PIM3: variants seen among roughly 807,000 people sequenced by gnomAD.
The protein encoded by PIM3 is Pim-3 proto-oncogene, serine/threonine kinase, also known as serine/threonine-protein kinase pim-3.
PIM3 carries 13 observed loss-of-function variants against 27.5 expected under a neutral mutation model. The observed-to-expected ratio is 0.47, with a 90% CI of 0.31 to 0.75. The LOEUF is 0.75. PIM3 is among the 30% of genes least tolerant of loss of function. The pLI is 0.05. For synonymous variants in PIM3, 341 were observed against 221.1 expected (o/e 1.54, Z -4.81); for missense variants, 482 against 476.9 (o/e 1.01, Z -0.10).
chr22:49,960,894 C>G lies in PIM3; in HGVS notation c.-54C>G, dbSNP rs1006249721. 8.6e-7 allele frequency: 1 copy of G among 1,163,940 alleles called. No homozygotes were observed. The highest frequency in any genetic ancestry group is 1.1e-6 in the Non-Finnish European group (1 of 945,132). The allele number at this position is 1,163,940 out of a possible 1,614,324, so 72.1% of individuals were successfully genotyped here. A position where few individuals can be genotyped will look rare whatever the true frequency, so the allele number is the denominator to read the frequency against. ...TCCCCGGCGCGCCGCTCGCCCGGAT[C>G]GGCCGCGGCTTCGGCGCCTGGGGCT... is the stretch of plus-strand genomic sequence containing the variant. On this transcript the variant is annotated 5_prime_UTR_variant, in exon 1 of 6. It adds an upstream start codon to the 5' untranslated region. Coordinates refer to ENST00000360612, the MANE Select transcript of PIM3 (RefSeq NM_001001852.4).
intron 4 of PIM3, among the ~76,000 whole-genome samples, chr22:49,962,459 C>G (rs1049348395): frequency 1.4e-4 from 21 of 151,466 alleles, no homozygotes; most frequent in African/African-American, 3.6e-4. Context: ...AAGCCGAGCT[C>G]TTACTCATGT....
rs1237184232 is a variant in PIM3, at chr22:49,960,978, C to T, written c.31C>T (p.His11Tyr). 1.4e-6 allele frequency: 2 copies of T among 1,392,854 alleles called. No individual in the cohort carries two copies. Among genetic ancestry groups the T allele is most frequent in the Admixed American group, 2.4e-5 (1 of 41,166 alleles). The allele number at this position is 1,392,854 out of a possible 1,614,324, so 86.3% of individuals were successfully genotyped here. MLLSKFGSLA[H>Y]LCGPGGVDHL... is the part of the protein sequence containing the mutation. ...GCTCTCCAAGTTCGGCTCCCTGGCG[C>T]ACCTCTGCGGGCCCGGCGGCGTGGA... Residue 11 changes from histidine to tyrosine, a missense_variant, in exon 1 of 6, where the codon CAC becomes TAC. Physicochemically the swap from His to Tyr is moderately conservative, Grantham distance 83. Transcript: ENST00000360612.
In PIM3 at chr22:49,960,973, T is replaced by C. The variant is rs1287803093; in HGVS notation, c.26T>C (p.Leu9Pro). The C allele has an allele frequency of 1.4e-6, 2 of 1,390,196 alleles. No homozygotes were observed. Among genetic ancestry groups the C allele is most frequent in the South Asian group, 1.4e-5 (1 of 69,664 alleles). 86.1% of individuals were successfully genotyped at this position (1,390,196 alleles called of 1,614,324 possible). MLLSKFGS[L>P]AHLCGPGGVD... ...ATGCTGCTCTCCAAGTTCGGCTCCC[T>C]GGCGCACCTCTGCGGGCCCGGCGGC... Residue 9 changes from leucine to proline, a missense_variant, in exon 1 of 6, where the codon CTG (leucine) becomes CCG (proline). Leu to Pro is a moderately conservative substitution (Grantham distance 98). Transcript: ENST00000360612.
At chr22:49,962,654 C>T (rs28691713) in intron 4 of PIM3, 35 bp from the exon 5 acceptor site, 749,528 of 1,587,292 alleles carry the variant, frequency 0.47, 181,198 homozygotes, top group African/African-American at 0.56. Flanking sequence ...GGCTCTGCCT[C>T]TGTGGTGGGC....
rs2060902218 is a variant in PIM3, at chr22:49,960,896, G to C, written c.-52G>C. On this transcript the variant is annotated 5_prime_UTR_variant, in exon 1 of 6. Coordinates refer to ENST00000360612, the MANE Select transcript of PIM3 (RefSeq NM_001001852.4). ...CCCGGCGCGCCGCTCGCCCGGATCG[G>C]CCGCGGCTTCGGCGCCTGGGGCTCG... The C allele has an allele frequency of 1.7e-6, 2 of 1,176,462 alleles. No homozygotes were observed. Among genetic ancestry groups the C allele is most frequent in the Admixed American group, 9.3e-5 (2 of 21,546 alleles). The allele number at this position is 1,176,462 out of a possible 1,614,324, so 72.9% of individuals were successfully genotyped here.
Position 49,960,774 on chromosome 22 carries a change from G to A in PIM3, c.-174G>A, listed in dbSNP as rs927994219. On this transcript the variant is annotated 5_prime_UTR_variant, in exon 1 of 6. The change creates a new upstream start codon in the 5' untranslated region. Transcript: ENST00000360612. ...CCCCCGGGCGAGGCGGCCGGGGCGG[G>A]TGAGGCGCTCCGCCTGCTGCGCGTC... The A allele has an allele frequency of 4.4e-6, 1 of 226,516 alleles. No individual in the cohort carries two copies. Among genetic ancestry groups the A allele is most frequent in the South Asian group, 1.6e-4 (1 of 6,086 alleles). 14.0% of individuals were successfully genotyped at this position (226,516 alleles called of 1,614,324 possible). A position where few individuals can be genotyped will look rare whatever the true frequency, so the allele number is the denominator to read the frequency against.
chr22:49,960,942 C>A lies in PIM3; in HGVS notation c.-6C>A. 7.5e-7 allele frequency: 1 copy of A among 1,325,626 alleles called. No individual in the cohort carries two copies. Among genetic ancestry groups the A allele is most frequent in the Non-Finnish European group, 9.7e-7 (1 of 1,028,814 alleles). 82.1% of individuals were successfully genotyped at this position (1,325,626 alleles called of 1,614,324 possible). ...GCTCGGGGCTCCGGGGAGGCCGTCGCCCGCGATGCTGCTCTCCAAGTTCGG... is the reference window on the plus strand; with the variant it reads ...GCTCGGGGCTCCGGGGAGGCCGTCGACCGCGATGCTGCTCTCCAAGTTCGG... On this transcript the variant is annotated 5_prime_UTR_variant, in exon 1 of 6. Coordinates refer to ENST00000360612, the MANE Select transcript of PIM3 (RefSeq NM_001001852.4).
At position 49,963,361 on chromosome 22, in the gene PIM3, A is replaced by T. The variant is rs1313809971; in HGVS notation, c.*234A>T. ...TCGAGGTCCCGCCTGCCCTGGGTGG[A>T]TACTTGAACCCCAGACGCCCCTCTG... is the stretch of plus-strand genomic sequence containing the variant. On this transcript the variant is annotated 3_prime_UTR_variant, in exon 6 of 6. Transcript: ENST00000360612. 2.0e-6 allele frequency: 1 copy of T among 503,896 alleles called. No homozygotes were observed. The allele number at this position is 503,896 out of a possible 1,614,324, so 31.2% of individuals were successfully genotyped here. A position where few individuals can be genotyped will look rare whatever the true frequency, so the allele number is the denominator to read the frequency against.
rs968911022 is a variant in PIM3 at position 49,961,519 on chromosome 22, C to A, written c.324C>A (p.Arg108=). The change falls in exon 4 of 6, where the codon CGC becomes CGA. Residue 108 remains arginine, a synonymous_variant. Coordinates refer to ENST00000360612, the MANE Select transcript of PIM3 (RefSeq NM_001001852.4). ...GAAGGARGVI[R]LLDWFERPDG... The stretch of plus-strand genomic sequence containing the variant: ...CGGGCGGCGCGCGCGGCGTCATCCG[C>A]CTGCTGGACTGGTTCGAGCGGCCCG... 3.9e-5 allele frequency: 59 copies of A among 1,524,704 alleles called. No individual in the cohort carries two copies. The highest frequency in any genetic ancestry group is 6.1e-6 in the Non-Finnish European group (7 of 1,138,356). The allele number at this position is 1,524,704 out of a possible 1,614,324, so 94.4% of individuals were successfully genotyped here. A position where few individuals can be genotyped will look rare whatever the true frequency, so the allele number is the denominator to read the frequency against.
In PIM3 at chr22:49,962,853, A is replaced by T. The variant is rs1324906642; in HGVS notation, c.781A>T (p.Arg261Trp). 1.9e-6 allele frequency: 3 copies of T among 1,608,532 alleles called. No individual in the cohort carries two copies. Among genetic ancestry groups the T allele is most frequent in the Non-Finnish European group, 2.5e-6 (3 of 1,179,158 alleles). Reference protein sequence around the residue: ...ILRGRLLFRRRVSPECQQLIR... With the variant: ...ILRGRLLFRRWVSPECQQLIR... Reference sequence around the variant, plus strand: ...CCGAGGCCGCCTGCTCTTCCGGAGGAGGGTCTCTCCAGGTGCGTGGTGGCT... The same window carrying T: ...CCGAGGCCGCCTGCTCTTCCGGAGGTGGGTCTCTCCAGGTGCGTGGTGGCT... Residue 261 changes from arginine to tryptophan, a missense_variant, in exon 5 of 6, where the codon AGG becomes TGG. Coordinates refer to ENST00000360612, the MANE Select transcript of PIM3 (RefSeq NM_001001852.4).
Position 49,961,706 on chromosome 22 carries a change from A to G in PIM3, c.511A>G (p.Ile171Val), listed in dbSNP as rs985093762. 6.2e-7 allele frequency: 1 copy of G among 1,607,392 alleles called. No individual in the cohort carries two copies. The highest frequency in any genetic ancestry group is 8.5e-7 in the Non-Finnish European group (1 of 1,177,588). The change falls in exon 4 of 6, where the codon ATT becomes GTT. Residue 171 changes from isoleucine (I) to valine (V), a missense_variant. Physicochemically the swap from Ile to Val is conservative, Grantham distance 29 (BLOSUM62 3). Transcript: ENST00000360612. ...CHSCGVVHRD[I>V]KDENLLVDLR... is the part of the protein sequence containing the mutation. ...CAGCTGCGGGGTCGTGCACCGCGAC[A>G]TTAAGGACGAAAATCTGCTTGTGGA...
In PIM3 at chr22:49,961,571, C is replaced by T; in HGVS notation, c.376C>T (p.Pro126Ser). Residue 126 changes from proline (P) to serine (S), a missense_variant, in exon 4 of 6, where the codon CCC becomes TCC. Physicochemically the swap from Pro to Ser is moderately conservative, Grantham distance 74. Transcript: ENST00000360612. ...PDGFLLVLER[P>S]EPAQDLFDFI... ...CGGCTTCCTGCTGGTGCTGGAGCGG[C>T]CCGAGCCGGCGCAGGACCTCTTCGA... 2 of 1,546,730 alleles carry T rather than the reference C, an allele frequency of 1.3e-6. No homozygotes were observed. The highest frequency in any genetic ancestry group is 1.7e-6 in the Non-Finnish European group (2 of 1,146,542).
intron 1 of PIM3, 40 bp from the exon 2 acceptor site, chr22:49,961,085 C>T (rs1048788022): frequency 2.2e-5 from 31 of 1,379,534 alleles, no homozygotes; most frequent in Non-Finnish European, 2.6e-5. Context: ...GGACCGGGGG[C>T]GCCCCGGGCC....
Position 49,961,622 on chromosome 22 carries a change from G to A in PIM3, c.427G>A (p.Asp143Asn), listed in dbSNP as rs4074581. The A allele has an allele frequency of 1.6e-4, 243 of 1,552,880 alleles. No individual in the cohort carries two copies. Among genetic ancestry groups the A allele is most frequent in the Non-Finnish European group, 2.1e-4 (237 of 1,149,312 alleles). Residue 143 changes from aspartate to asparagine, a missense_variant, in exon 4 of 6, where the codon GAC becomes AAC. Asp to Asn is a conservative substitution (Grantham distance 23, BLOSUM62 1). Transcript: ENST00000360612. ...FDFITERGAL[D>N]EPLARRFFAQ... ...CTTTATCACGGAGCGCGGCGCCCTGGACGAGCCGCTGGCGCGCCGCTTCTT... is the reference window on the plus strand; with the variant it reads ...CTTTATCACGGAGCGCGGCGCCCTGAACGAGCCGCTGGCGCGCCGCTTCTT...
In PIM3 at chr22:49,961,005, C is replaced by G; in HGVS notation, c.58C>G (p.His20Asp). Residue 20 changes from histidine (H) to aspartate (D), a missense_variant, in exon 1 of 6, where the codon CAC becomes GAC. His to Asp is a moderately conservative substitution (Grantham distance 81). Coordinates refer to ENST00000360612, the MANE Select transcript of PIM3 (RefSeq NM_001001852.4). ...CCTCTGCGGGCCCGGCGGCGTGGAC[C>G]ACCTCCCGGTGAAGATCCTGCAGCC... is the stretch of plus-strand genomic sequence containing the variant. ...AHLCGPGGVD[H>D]LPVKILQPAK... is the part of the protein sequence containing the mutation. 2.2e-6 allele frequency: 3 copies of G among 1,393,968 alleles called. No homozygotes were observed. The highest frequency in any genetic ancestry group is 2.8e-6 in the Non-Finnish European group (3 of 1,064,474). 86.3% of individuals were successfully genotyped at this position (1,393,968 alleles called of 1,614,324 possible).
In PIM3 at chr22:49,960,989, G is replaced by A. The variant is rs748093874; in HGVS notation, c.42G>A (p.Gly14=). 2.9e-6 allele frequency: 4 copies of A among 1,395,600 alleles called. No homozygotes were observed. The highest frequency in any genetic ancestry group is 3.8e-6 in the Non-Finnish European group (4 of 1,066,066). 86.5% of individuals were successfully genotyped at this position (1,395,600 alleles called of 1,614,324 possible). A position where few individuals can be genotyped will look rare whatever the true frequency, so the allele number is the denominator to read the frequency against. ...TCGGCTCCCTGGCGCACCTCTGCGG[G>A]CCCGGCGGCGTGGACCACCTCCCGG... ...SKFGSLAHLC[G]PGGVDHLPVK... Residue 14 remains glycine, a synonymous_variant, in exon 1 of 6, where the codon GGG becomes GGA. Transcript: ENST00000360612.
intron 1 of PIM3, 30 bp downstream of exon 1, chr22:49,961,062 G>GGGGCCA (rs1382582768): frequency 9.9e-5 from 133 of 1,349,892 alleles, no homozygotes; most frequent in Non-Finnish European, 1.1e-4. Flanking sequence ...GGCCGGGGCC[G>GGGGCCA]GGGCCAGGGC....
At chr22:49,961,402 G>A (rs1329315008) in intron 3 of PIM3, 34 bp downstream of exon 3, 3 of 1,421,310 alleles carry the variant, frequency 2.1e-6, no homozygotes, top group Non-Finnish European at 2.8e-6. Flanking sequence ...CGGCGGCGGG[G>A]GGCGGGCGCG....
chr22:49,962,889 G>A (rs749933111), intron 5 of PIM3, 24 bp downstream of exon 5: 4 of 1,601,638 alleles, frequency 2.5e-6, no homozygotes, highest in South Asian at 1.1e-5. Flanking sequence ...CGAGGCGGGG[G>A]TGGGGGCCTC....
Sources: allele counts gnomAD v4.1 joint callset (sites outside exome capture counted in the v4.1 genomes callset), GRCh38; gene constraint gnomAD v4.1.1; transcripts MANE v1.5; gene names NCBI Gene and HGNC (gene_info 2026-07-23, HGNC 2026-07-21).